The following KLF13 variants were observed in gnomAD, a reference collection of about 807,000 sequenced individuals.
KLF13 encodes the protein Krueppel-like factor 13.
In KLF13, 8 loss-of-function variants were observed where a neutral mutation model predicts 16.7. The observed-to-expected ratio is 0.48, with a 90% CI of 0.28 to 0.87. The LOEUF (loss-of-function observed/expected upper bound fraction) is 0.87, where lower values mean the gene tolerates loss of function less well. KLF13 is among the 40% of genes least tolerant of loss of function. The pLI is 0.10. For missense variants in KLF13, 447 were observed against 452.2 expected, an observed-to-expected ratio of 0.99 and a Z score of 0.10; for synonymous variants, 245 against 208.4, an observed-to-expected ratio of 1.18 and a Z score of -1.51.
rs2040226856 is a variant in KLF13, at chr15:31,413,975, T to A, written n.117+20284T>A. Among the ~76,000 whole-genome samples, 3 of 152,106 alleles carry A rather than the reference T, an allele frequency of 2.0e-5. No individual in the cohort carries two copies. The South Asian group carries it at 6.2e-4, about 31-fold the overall frequency. On this transcript the variant is annotated intron_variant and non_coding_transcript_variant, in intron 1 of 1. Coordinates refer to the KLF13 transcript ENST00000558225. Reference sequence around the variant, plus strand: ...TTTGCCAATAACGTCACAAAGGTGGTAAGTGGGAGTAAACATGTAATGGGC... The same window carrying A: ...TTTGCCAATAACGTCACAAAGGTGGAAAGTGGGAGTAAACATGTAATGGGC...
intron 1 of KLF13, among the ~76,000 whole-genome samples, chr15:31,338,290 T>C (rs1371615538): frequency 1.3e-5 from 2 of 152,168 alleles, no homozygotes; most frequent in Non-Finnish European, 2.9e-5. Context: ...AGATGGACAT[T>C]TATGTGAGTG....
intron 1 of KLF13, among the ~76,000 whole-genome samples, chr15:31,385,903 G>A (rs1195254960): frequency 1.3e-5 from 2 of 152,264 alleles, no homozygotes; most frequent in East Asian, 3.8e-4. Context: ...AGGTGAGGTA[G>A]GCTGTGCCAA....
chr15:31,408,213 T>G (rs1231102753), downstream of KLF13, among the ~76,000 whole-genome samples: 1 of 152,160 alleles, frequency 6.6e-6, no homozygotes, highest in Non-Finnish European at 1.5e-5. Flanking sequence ...ATAGAGCAAT[T>G]AATAGATTTC....
At position 31,373,227 on chromosome 15, in the gene KLF13, G is replaced by C. The variant is rs1040521548; in HGVS notation, c.*928G>C. The C allele has an allele frequency of 6.6e-6, 1 of 152,356 alleles. No individual in the cohort carries two copies. Among genetic ancestry groups the C allele is most frequent in the Admixed American group, 6.5e-5 (1 of 15,310 alleles). The allele number at this position is 152,356 out of a possible 1,614,324, so 9.4% of individuals were successfully genotyped here. ...AATTCCTGGTGGCACATCCAGTTCC[G>C]AGTTTGCCCGCACGGGCACTTTTGT... On this transcript the variant is annotated 3_prime_UTR_variant, in exon 2 of 2. Coordinates refer to ENST00000307145, the MANE Select transcript of KLF13 (RefSeq NM_015995.4).
intron 1 of KLF13, among the ~76,000 whole-genome samples, chr15:31,337,607 G>A (rs2038952631): frequency 6.6e-6 from 1 of 152,204 alleles, no homozygotes; most frequent in South Asian, 2.1e-4. Context: ...GCACACCTAG[G>A]CTGTATGGTG....
chr15:31,434,993 C>T (rs759036914), intron 1 of KLF13, among the ~76,000 whole-genome samples: 2 of 152,200 alleles, frequency 1.3e-5, no homozygotes, highest in South Asian at 2.1e-4. Context: ...ACAGTCAAGG[C>T]GGACTTGTCA....
chr15:31,400,682 C>G (rs2040021653), intron 2 of KLF13, among the ~76,000 whole-genome samples: 1 of 151,438 alleles, frequency 6.6e-6, no homozygotes, highest in African/African-American at 2.4e-5. Flanking sequence ...GGATTTTACT[C>G]AGATCACTCT....
intron 1 of KLF13, among the ~76,000 whole-genome samples, chr15:31,363,882 A>G (rs993134720): frequency 6.6e-6 from 1 of 152,226 alleles, no homozygotes; most frequent in Non-Finnish European, 1.5e-5. Flanking sequence ...TATTTTTCAC[A>G]TTAGAATCTT....
At chr15:31,412,848 T>G (rs1348956565) in intron 1 of KLF13, among the ~76,000 whole-genome samples, 1 of 152,170 alleles carries the variant, frequency 6.6e-6, no homozygotes, top group Non-Finnish European at 1.5e-5. Context: ...GAAAGGCATC[T>G]GAAAGGAGAT....
Position 31,375,060 on chromosome 15 carries a change from T to TCCTTAGGC in KLF13, c.*2764_*2771dup, listed in dbSNP as rs2039621444. The TCCTTAGGC allele has an allele frequency of 6.6e-6, 1 of 152,520 alleles. No homozygotes were observed. Among genetic ancestry groups the TCCTTAGGC allele is most frequent in the Non-Finnish European group, 1.5e-5 (1 of 68,004 alleles). 9.4% of individuals were successfully genotyped at this position (152,520 alleles called of 1,614,324 possible). A position where few individuals can be genotyped will look rare whatever the true frequency, so the allele number is the denominator to read the frequency against. On this transcript the variant is annotated 3_prime_UTR_variant, in exon 2 of 2. Transcript: ENST00000307145. ...GTTCTCGTTTAATGGCAGGGTGCGG[T>TCCTTAGGC]CCTTAGGCCCCGGCCTGGACTGGGA... is the stretch of plus-strand genomic sequence containing the variant.
chr15:31,357,323 C>A (rs1287732098), intron 1 of KLF13, among the ~76,000 whole-genome samples: 1 of 152,236 alleles, frequency 6.6e-6, no homozygotes, highest in Non-Finnish European at 1.5e-5. Flanking sequence ...CCTGTCTCTG[C>A]TCCTTGGTCT....
At chr15:31,371,372 G>A (rs1240869885) in intron 1 of KLF13, among the ~76,000 whole-genome samples, 1 of 152,246 alleles carries the variant, frequency 6.6e-6, no homozygotes, top group Non-Finnish European at 1.5e-5. Flanking sequence ...ACTTGGGTCT[G>A]CAAGAGGCTG....
chr15:31,346,306 G>A (rs1470343959), intron 1 of KLF13, among the ~76,000 whole-genome samples: 4 of 152,254 alleles, frequency 2.6e-5, no homozygotes, highest in South Asian at 2.1e-4. Context: ...TTTCCACACC[G>A]GCCCTTTGCC....
intron 2 of KLF13, among the ~76,000 whole-genome samples, chr15:31,402,874 C>CA (rs5811641): frequency 0.58 from 88,048 of 151,516 alleles, 26,549 homozygotes; most frequent in South Asian, 0.67. Flanking sequence ...AAAAAAAAAA[C>CA]AACTTTTAAG....
Position 31,397,766 on chromosome 15 carries a change from C to A in KLF13, n.529+4075C>A, listed in dbSNP as rs539196334. ...ACCCAGTGGCCAGCAGCTCCTGGCA[C>A]ATCATAAATGTCAGAGGGATGAACT... is the stretch of plus-strand genomic sequence containing the variant. On this transcript the variant is annotated intron_variant and non_coding_transcript_variant, in intron 2 of 2. Coordinates refer to the KLF13 transcript ENST00000500533. 6.0e-5 allele frequency among the ~76,000 whole-genome samples: 9 copies of A among 150,090 alleles called. No individual in the cohort carries two copies. The Admixed American group carries it at 6.1e-4, about 10-fold the overall frequency.
At chr15:31,347,929 G>A (rs1048839500) in intron 1 of KLF13, among the ~76,000 whole-genome samples, 1 of 152,226 alleles carries the variant, frequency 6.6e-6, no homozygotes, top group Non-Finnish European at 1.5e-5. Flanking sequence ...CTCCTAACAC[G>A]AGGAAGAGAG....
At chr15:31,363,838 G>A (rs1330279673) in intron 1 of KLF13, among the ~76,000 whole-genome samples, 2 of 152,184 alleles carry the variant, frequency 1.3e-5, no homozygotes, top group African/African-American at 2.4e-5. Context: ...AGGAACTTCT[G>A]TCTTACAGTT....
chr15:31,371,671 T>G (rs751192111), intron 1 of KLF13, among the ~76,000 whole-genome samples: 1 of 152,192 alleles, frequency 6.6e-6, no homozygotes, highest in Non-Finnish European at 1.5e-5. Flanking sequence ...TGGCCCGGCA[T>G]GGGTGTGTAG....
chr15:31,339,412 C>T (rs1224416821), intron 1 of KLF13, among the ~76,000 whole-genome samples: 6 of 152,144 alleles, frequency 3.9e-5, no homozygotes, highest in African/African-American at 1.2e-4. Context: ...TGAGGCAGTG[C>T]GGGGGCAGCA....
Sources: gnomAD v4.1 joint callset for allele counts (sites outside exome capture counted in the v4.1 genomes callset) on GRCh38, gnomAD v4.1.1 for gene constraint, MANE v1.5 for transcripts, NCBI Gene and HGNC (gene_info 2026-07-23, HGNC 2026-07-21) for gene names.